INHA: variants seen among roughly 807,000 people sequenced by gnomAD.
The protein encoded by INHA is inhibin subunit alpha.
In INHA, 8 loss-of-function variants were observed where a neutral mutation model predicts 21.3. That is an observed-to-expected ratio of 0.38 (90% CI 0.22 to 0.68). The LOEUF is 0.68. Among genes scored for constraint, INHA ranks in the 30% least tolerant of loss-of-function variants. The pLI, the probability that INHA is intolerant of heterozygous loss-of-function variation, is 0.53. For synonymous variants in INHA, 231 were observed against 207.5 expected (o/e 1.11, Z -0.97); for missense variants, 436 against 465.8 (o/e 0.94, Z 0.59).
Position 219,575,475 on chromosome 2 carries a change from C to G in INHA, c.1050C>G (p.Phe350Leu). ...CCACCTCGGATGGAGGTTACTCTTT[C>G]AAGTATGAGACAGTGCCCAACCTTC... ...VRTTSDGGYS[F>L]KYETVPNLLT... The change falls in exon 2 of 2, where the codon TTC becomes TTG. Residue 350 changes from phenylalanine (F) to leucine (L), a missense_variant. By Grantham distance (22) the Phe-to-Leu change is conservative. Coordinates refer to ENST00000243786, the MANE Select transcript of INHA (RefSeq NM_002191.4). The G allele has an allele frequency of 1.2e-6, 2 of 1,614,048 alleles. No homozygotes were observed. The highest frequency in any genetic ancestry group is 1.1e-5 in the South Asian group (1 of 91,086).
Position 219,574,838 on chromosome 2 carries a change from A to T in INHA, c.413A>T (p.Asp138Val), listed in dbSNP as rs934945858. Residue 138 changes from aspartate (D) to valine (V), a missense_variant, in exon 2 of 2, where the codon GAC becomes GTC. Transcript: ENST00000243786. ...SAQLWFHTGL[D>V]RQGTAASNSS... ...CAGCTGTGGTTCCACACCGGGCTGG[A>T]CAGGCAGGGCACAGCAGCCTCCAAT... The T allele has an allele frequency of 1.9e-6, 3 of 1,613,936 alleles. No individual in the cohort carries two copies. Among genetic ancestry groups the T allele is most frequent in the Non-Finnish European group, 2.5e-6 (3 of 1,179,984 alleles).
rs751673614 is a variant in INHA at position 219,575,165 on chromosome 2, G to C, written c.740G>C (p.Arg247Pro). The C allele has an allele frequency of 3.1e-6, 5 of 1,614,104 alleles. No homozygotes were observed. In the African/African-American group the frequency reaches 6.7e-5, roughly 22 times the overall value. ...TGGCCTTGGTCTCCCTCTGCTCTGC[G>C]CCTGCTGCAGAGGCCTCCGGAGGAA... Reference protein sequence around the residue: ...MSWPWSPSALRLLQRPPEEPA... With the variant: ...MSWPWSPSALPLLQRPPEEPA... Residue 247 changes from arginine to proline, a missense_variant, in exon 2 of 2, where the codon CGC (arginine) becomes CCC (proline). Physicochemically the swap from Arg to Pro is moderately radical, Grantham distance 103 (BLOSUM62 -2). Coordinates refer to ENST00000243786, the MANE Select transcript of INHA (RefSeq NM_002191.4).
Position 219,575,620 on chromosome 2 carries a change from T to C in INHA, c.*94T>C. On this transcript the variant is annotated 3_prime_UTR_variant, in exon 2 of 2. Coordinates refer to ENST00000243786, the MANE Select transcript of INHA (RefSeq NM_002191.4). Reference sequence around the variant, plus strand: ...AAGGCAGAGTTGGGAAATAGATGGCTCCCACTCCTCCCTCCTTTCACTTCT... The same window carrying C: ...AAGGCAGAGTTGGGAAATAGATGGCCCCCACTCCTCCCTCCTTTCACTTCT... 2.1e-6 allele frequency: 2 copies of C among 971,646 alleles called. No individual in the cohort carries two copies. Among genetic ancestry groups the C allele is most frequent in the Admixed American group, 3.5e-5 (2 of 57,362 alleles). 60.2% of individuals were successfully genotyped at this position (971,646 alleles called of 1,614,324 possible).
In INHA at chr2:219,572,696, C is replaced by T. The variant is rs1380628126; in HGVS notation, c.268+54C>T. 2.6e-6 allele frequency: 4 copies of T among 1,545,340 alleles called. No homozygotes were observed. In the African/African-American group the frequency reaches 4.1e-5, roughly 16 times the overall value. ...GACTTTGAGAAAAAGCAAGGCACAG[C>T]ATGGGTTTGCAGGCCAGGCGGACCT... On this transcript the variant is annotated intron_variant, in intron 1 of 1. Transcript: ENST00000243786.
At position 219,573,896 on chromosome 2, in the gene INHA, C is replaced by T. The variant is rs552761922; in HGVS notation, c.269-798C>T. The stretch of plus-strand genomic sequence containing the variant: ...AATTGCTTGAACGTGGGAGGCGGAG[C>T]GGAAGGCAGAGGTTGCAGTGAGCCG... On this transcript the variant is annotated intron_variant, in intron 1 of 1. Transcript: ENST00000243786. Among the ~76,000 whole-genome samples, 7 of 149,460 alleles carry T rather than the reference C, an allele frequency of 4.7e-5. No homozygotes were observed. In the East Asian group the frequency reaches 5.9e-4, roughly 13 times the overall value.
rs748553257 is a variant in INHA, at chr2:219,572,443, G to C, written c.69G>C (p.Glu23Asp). The C allele has an allele frequency of 3.7e-6, 6 of 1,613,972 alleles. No homozygotes were observed. The South Asian group carries it at 6.6e-5, about 18-fold the overall frequency. Reference sequence around the variant, plus strand: ...GTGGGCACAGCTGCCAGGGGCTGGAGCTGGCCCGGGAACTTGTTCTGGCCA... The same window carrying C: ...GTGGGCACAGCTGCCAGGGGCTGGACCTGGCCCGGGAACTTGTTCTGGCCA... ...PQGGHSCQGL[E>D]LARELVLAKV... Residue 23 changes from glutamate to aspartate, a missense_variant, in exon 1 of 2, where the codon GAG becomes GAC. Transcript: ENST00000243786.
rs1453072230 is a variant in INHA at position 219,575,667 on chromosome 2, C to T, written c.*141C>T. ...TTCTCTGCCTATGGGCTACCCTCCC[C>T]ACCCCACTTCTATCTCAATAAAGAA... is the stretch of plus-strand genomic sequence containing the variant. On this transcript the variant is annotated 3_prime_UTR_variant, in exon 2 of 2. Transcript: ENST00000243786. 2.9e-6 allele frequency: 2 copies of T among 696,386 alleles called. No homozygotes were observed. The highest frequency in any genetic ancestry group is 3.5e-5 in the African/African-American group (2 of 56,800). The allele number at this position is 696,386 out of a possible 1,614,324, so 43.1% of individuals were successfully genotyped here. A position where few individuals can be genotyped will look rare whatever the true frequency, so the allele number is the denominator to read the frequency against.
Position 219,575,138 on chromosome 2 carries a change from C to G in INHA, c.713C>G (p.Ser238Cys), listed in dbSNP as rs1279998532. ...GCCCGACGCTCAACTCCCCTGATGT[C>G]CTGGCCTTGGTCTCCCTCTGCTCTG... ...ERARRSTPLM[S>C]WPWSPSALRL... The change falls in exon 2 of 2, where the codon TCC becomes TGC. Residue 238 changes from serine (S) to cysteine (C), a missense_variant. By Grantham distance (112) the Ser-to-Cys change is moderately radical. Coordinates refer to ENST00000243786, the MANE Select transcript of INHA (RefSeq NM_002191.4). 6.2e-7 allele frequency: 1 copy of G among 1,614,232 alleles called. No homozygotes were observed.
Position 219,575,465 on chromosome 2 carries a change from G to A in INHA, c.1040G>A (p.Gly347Asp). ...CATGTCCGCACCACCTCGGATGGAG[G>A]TTACTCTTTCAAGTATGAGACAGTG... ...PLHVRTTSDG[G>D]YSFKYETVPN... Residue 347 changes from glycine (G) to aspartate (D), a missense_variant, in exon 2 of 2, where the codon GGT becomes GAT. Physicochemically the swap from Gly to Asp is moderately conservative, Grantham distance 94. Coordinates refer to ENST00000243786, the MANE Select transcript of INHA (RefSeq NM_002191.4). 1 of 1,614,052 alleles carries A rather than the reference G, an allele frequency of 6.2e-7. No homozygotes were observed. Among genetic ancestry groups the A allele is most frequent in the Non-Finnish European group, 8.5e-7 (1 of 1,180,038 alleles).
chr2:219,574,415 A>G (rs939140963), intron 1 of INHA, among the ~76,000 whole-genome samples: 2 of 152,182 alleles, frequency 1.3e-5, no homozygotes, highest in Non-Finnish European at 2.9e-5. Flanking sequence ...AGGGCCTCTT[A>G]CACACTGCTG....
In INHA at chr2:219,574,992, G is replaced by A. The variant is rs1292648564; in HGVS notation, c.567G>A (p.Leu189=). 1 of 1,613,372 alleles carries A rather than the reference G, an allele frequency of 6.2e-7. No homozygotes were observed. ...LHLATSALSL[L]THPVLVLLLR... is the part of the protein sequence containing the mutation. ...TGGCCACCTCTGCTCTCTCTCTGCT[G>A]ACCCACCCCGTCCTGGTGCTGCTGC... Residue 189 remains leucine (L), a synonymous_variant, in exon 2 of 2, where the codon CTG becomes CTA. Coordinates refer to ENST00000243786, the MANE Select transcript of INHA (RefSeq NM_002191.4).
chr2:219,575,666 C>A lies in INHA; in HGVS notation c.*140C>A. 1.4e-6 allele frequency: 1 copy of A among 703,482 alleles called. No individual in the cohort carries two copies. Among genetic ancestry groups the A allele is most frequent in the South Asian group, 1.6e-5 (1 of 64,044 alleles). 43.6% of individuals were successfully genotyped at this position (703,482 alleles called of 1,614,324 possible). A position where few individuals can be genotyped will look rare whatever the true frequency, so the allele number is the denominator to read the frequency against. On this transcript the variant is annotated 3_prime_UTR_variant, in exon 2 of 2. Transcript: ENST00000243786. ...CTTCTCTGCCTATGGGCTACCCTCC[C>A]CACCCCACTTCTATCTCAATAAAGA... is the stretch of plus-strand genomic sequence containing the variant.
chr2:219,574,619 C>A, intron 1 of INHA, 75 bp from the exon 2 acceptor site: 1 of 1,259,232 alleles, frequency 7.9e-7, no homozygotes, highest in Non-Finnish European at 1.1e-6. Flanking sequence ...TGGCCACATC[C>A]CTCCTGCTGA....
At position 219,572,409 on chromosome 2, in the gene INHA, C is replaced by T; in HGVS notation, c.35C>T (p.Thr12Ile). The T allele has an allele frequency of 6.2e-7, 1 of 1,614,034 alleles. No individual in the cohort carries two copies. ...VLHLLLFLLL[T>I]PQGGHSCQGL... ...CACCTACTGCTCTTCTTGCTGCTGA[C>T]CCCACAGGGTGGGCACAGCTGCCAG... is the stretch of plus-strand genomic sequence containing the variant. Residue 12 changes from threonine to isoleucine, a missense_variant, in exon 1 of 2, where the codon ACC (threonine) becomes ATC (isoleucine). Transcript: ENST00000243786.
intron 1 of INHA, among the ~76,000 whole-genome samples, chr2:219,573,246 A>AC (rs35026662): frequency 0.19 from 29,345 of 151,994 alleles, 2,896 homozygotes; most frequent in Admixed American, 0.24. Flanking sequence ...CACAGTGGGG[A>AC]GAAGGATGGC....
At chr2:219,573,994 T>C (rs1697478030) in intron 1 of INHA, among the ~76,000 whole-genome samples, 1 of 130,188 alleles carries the variant, frequency 7.7e-6, no homozygotes, top group South Asian at 2.5e-4. Context: ...AAAATGGTAA[T>C]ATGGCTGGGT....
In INHA at chr2:219,575,598, G is replaced by A; in HGVS notation, c.*72G>A. 1 of 1,289,748 alleles carries A rather than the reference G, an allele frequency of 7.8e-7. No homozygotes were observed. Among genetic ancestry groups the A allele is most frequent in the Non-Finnish European group, 1.1e-6 (1 of 894,818 alleles). The allele number at this position is 1,289,748 out of a possible 1,614,324, so 79.9% of individuals were successfully genotyped here. ...CCACCATCATCAGCTGGGAGGAAAG[G>A]CAGAGTTGGGAAATAGATGGCTCCC... On this transcript the variant is annotated 3_prime_UTR_variant, in exon 2 of 2. Coordinates refer to ENST00000243786, the MANE Select transcript of INHA (RefSeq NM_002191.4).
At chr2:219,574,462 A>G (rs1697484750) in intron 1 of INHA, among the ~76,000 whole-genome samples, 1 of 152,136 alleles carries the variant, frequency 6.6e-6, no homozygotes, top group African/African-American at 2.4e-5. Context: ...TTCAGAGAGA[A>G]GTTGGCAATG....
intron 1 of INHA, 97 bp downstream of exon 1, chr2:219,572,739 C>T: frequency 7.3e-7 from 1 of 1,365,652 alleles, no homozygotes; most frequent in Non-Finnish European, 1.0e-6. Context: ...AATCCTAGTC[C>T]TGCTACTCAG....
Sources: allele counts gnomAD v4.1 joint callset (sites outside exome capture counted in the v4.1 genomes callset), GRCh38; gene constraint gnomAD v4.1.1; transcripts MANE v1.5; gene names NCBI Gene and HGNC (gene_info 2026-07-23, HGNC 2026-07-21).